KCNB2: variants seen among roughly 807,000 people sequenced by gnomAD.
The protein encoded by KCNB2 is delayed rectifier potassium channel protein.
In KCNB2, 15 loss-of-function variants were observed where a neutral mutation model predicts 61.5. The observed-to-expected ratio is 0.24, with a 90% confidence interval of 0.16 to 0.38. KCNB2 has a LOEUF of 0.38. Among genes scored for constraint, KCNB2 ranks in the 10% least tolerant of loss-of-function variants. KCNB2 has a pLI of 1.00. For synonymous variants in KCNB2, 457 were observed against 446.0 expected, an observed-to-expected ratio of 1.02 and a Z score of -0.31; for missense variants, 828 against 1,125.2, an observed-to-expected ratio of 0.74 and a Z score of 3.78.
chr8:72,601,904 A>G (rs1805356179), intron 2 of KCNB2, among the ~76,000 whole-genome samples: 1 of 152,186 alleles, frequency 6.6e-6, no homozygotes, highest in South Asian at 2.1e-4. Context: ...CATGAACTGA[A>G]GCTCCACAGG....
intron 2 of KCNB2, among the ~76,000 whole-genome samples, chr8:72,826,203 G>C (rs1387841058): frequency 6.6e-6 from 1 of 152,108 alleles, no homozygotes; most frequent in Non-Finnish European, 1.5e-5. Context: ...TATCATATCA[G>C]TACCTCAGTC....
chr8:72,927,497 C>G (rs1010606989), intron 2 of KCNB2, among the ~76,000 whole-genome samples: 2 of 152,108 alleles, frequency 1.3e-5, no homozygotes, highest in Non-Finnish European at 2.9e-5. Flanking sequence ...TCTTGAACTC[C>G]TGACCACAGA....
intron 2 of KCNB2, among the ~76,000 whole-genome samples, chr8:72,645,750 C>G (rs1253553816): frequency 6.6e-6 from 1 of 152,148 alleles, no homozygotes; most frequent in African/African-American, 2.4e-5. Flanking sequence ...ACCACACCTA[C>G]TTTAGGATGA....
intron 2 of KCNB2, among the ~76,000 whole-genome samples, chr8:72,779,916 A>G (rs555929259): frequency 6.6e-6 from 1 of 152,226 alleles, no homozygotes; most frequent in South Asian, 2.1e-4. Flanking sequence ...TAGTTTGACA[A>G]TGTTACTGAG....
intron 1 of KCNB2, among the ~76,000 whole-genome samples, chr8:72,561,709 A>ATATC (rs1935835153): frequency 4.6e-5 from 1 of 21,696 alleles, no homozygotes. Context: ...ATATATATAT[A>ATATC]TATATATATA....
chr8:72,614,259 T>A (rs994799828), intron 2 of KCNB2, among the ~76,000 whole-genome samples: 3 of 152,218 alleles, frequency 2.0e-5, no homozygotes, highest in African/African-American at 7.2e-5. Flanking sequence ...TAATTTTAAA[T>A]GTATGTATTT....
At chr8:72,594,705 C>T (rs1807158669) in intron 2 of KCNB2, among the ~76,000 whole-genome samples, 1 of 152,172 alleles carries the variant, frequency 6.6e-6, no homozygotes, top group African/African-American at 2.4e-5. Context: ...ACTCAGTAAA[C>T]ATGCATAGTA....
intron 2 of KCNB2, among the ~76,000 whole-genome samples, chr8:72,667,872 A>G (rs1198005118): frequency 6.6e-6 from 1 of 152,198 alleles, no homozygotes; most frequent in Non-Finnish European, 1.5e-5. Flanking sequence ...TAACCTTTAG[A>G]ACCTTCACGT....
intron 2 of KCNB2, among the ~76,000 whole-genome samples, chr8:72,605,920 C>G (rs773162450): frequency 1.3e-5 from 2 of 151,710 alleles, no homozygotes; most frequent in Non-Finnish European, 2.9e-5. Flanking sequence ...AAGAGGAATA[C>G]TAACCCAGCA....
intron 2 of KCNB2, among the ~76,000 whole-genome samples, chr8:72,764,569 T>A (rs1479298633): frequency 6.6e-6 from 1 of 152,154 alleles, no homozygotes; most frequent in Non-Finnish European, 1.5e-5. Flanking sequence ...GGCCCCAAAT[T>A]GCCTTTTGGA....
intron 2 of KCNB2, among the ~76,000 whole-genome samples, chr8:72,849,377 C>G (rs530172814): frequency 1.5e-3 from 234 of 152,134 alleles, no homozygotes; most frequent in African/African-American, 5.5e-3. Flanking sequence ...CTATTTGAAA[C>G]TATACATGAT....
At chr8:72,700,300 C>T (rs1807095712) in intron 2 of KCNB2, among the ~76,000 whole-genome samples, 1 of 152,120 alleles carries the variant, frequency 6.6e-6, no homozygotes, top group Non-Finnish European at 1.5e-5. Context: ...CACCATGACA[C>T]ATGTGTACCT....
chr8:72,571,598 ACT>A (rs924879709), intron 2 of KCNB2, among the ~76,000 whole-genome samples: 7 of 152,056 alleles, frequency 4.6e-5, no homozygotes, highest in African/African-American at 1.7e-4. Context: ...TGTATGATGG[ACT>A]CTGTCATTTT....
intron 2 of KCNB2, among the ~76,000 whole-genome samples, chr8:72,724,426 A>T (rs182258478): frequency 3.3e-5 from 5 of 152,350 alleles, no homozygotes; most frequent in South Asian, 2.1e-4. Context: ...AATATGCCAT[A>T]AGATTTTGAA....
chr8:72,649,016 T>C (rs1359593866), intron 2 of KCNB2, among the ~76,000 whole-genome samples: 2 of 152,194 alleles, frequency 1.3e-5, no homozygotes, highest in African/African-American at 4.8e-5. Context: ...TTTACAGATA[T>C]GTGCATAATA....
intron 2 of KCNB2, among the ~76,000 whole-genome samples, chr8:72,571,777 T>G (rs1325418100): frequency 1.3e-5 from 2 of 152,192 alleles, no homozygotes; most frequent in African/African-American, 4.8e-5. Flanking sequence ...GGTTTTAGTG[T>G]GCCTTTCATA....
intron 2 of KCNB2, among the ~76,000 whole-genome samples, chr8:72,918,536 A>G (rs1272250955): frequency 3.3e-5 from 5 of 152,232 alleles, no homozygotes; most frequent in African/African-American, 9.6e-5. Context: ...CACATATTCA[A>G]TAGGCATTTA....
intron 2 of KCNB2, among the ~76,000 whole-genome samples, chr8:72,676,186 T>C (rs1306198087): frequency 6.6e-6 from 1 of 152,210 alleles, no homozygotes. Context: ...ATATTTCTTT[T>C]GTCAAGGTCT....
intron 2 of KCNB2, among the ~76,000 whole-genome samples, chr8:72,921,719 CAT>C (rs1435143205): frequency 6.6e-6 from 1 of 152,170 alleles, no homozygotes; most frequent in Non-Finnish European, 1.5e-5. Context: ...TCTGGGACCA[CAT>C]GTTCTAACTT....
Sources: allele counts gnomAD v4.1 joint callset (sites outside exome capture counted in the v4.1 genomes callset), GRCh38; gene constraint gnomAD v4.1.1; transcripts MANE v1.5; gene names NCBI Gene and HGNC (gene_info 2026-07-23, HGNC 2026-07-21).